KCNIP4: variants seen among roughly 807,000 people sequenced by gnomAD.
The protein encoded by KCNIP4 is potassium voltage-gated channel interacting protein 4.
Under a neutral mutation model 34.0 loss-of-function variants are expected in KCNIP4, and 12 were observed. The ratio of observed to expected loss-of-function variants is 0.35; its 90% CI spans 0.23 to 0.57. The LOEUF (loss-of-function observed/expected upper bound fraction) is 0.57. Among genes scored for constraint, KCNIP4 ranks in the 20% least tolerant of loss-of-function variants. KCNIP4 has a pLI of 0.83. For synonymous variants in KCNIP4, 124 were observed against 102.2 expected (o/e 1.21, Z -1.29); for missense variants, 238 against 311.7 (o/e 0.76, Z 1.78).
chr4:21,557,313 A>G (rs760379012), intron 1 of KCNIP4, among the ~76,000 whole-genome samples: 1 of 152,178 alleles, frequency 6.6e-6, no homozygotes, highest in Non-Finnish European at 1.5e-5. Context: ...CCGGAATCAC[A>G]TTATTTCACA....
intron 1 of KCNIP4, among the ~76,000 whole-genome samples, chr4:20,903,020 A>G (rs1727337629): frequency 1.3e-5 from 2 of 152,302 alleles, no homozygotes; most frequent in South Asian, 4.1e-4. Context: ...AATTTCCTAT[A>G]TATGTGGTGT....
At chr4:21,008,819 C>T (rs1045827617) in intron 1 of KCNIP4, among the ~76,000 whole-genome samples, 2 of 151,924 alleles carry the variant, frequency 1.3e-5, no homozygotes, top group African/African-American at 4.8e-5. Context: ...CCACCGCGCC[C>T]AGCCGGGATT....
chr4:21,190,805 C>T (rs1438079403), intron 1 of KCNIP4, among the ~76,000 whole-genome samples: 1 of 152,170 alleles, frequency 6.6e-6, no homozygotes, highest in African/African-American at 2.4e-5. Flanking sequence ...AAGTCTCATG[C>T]AAATTAATGT....
intron 1 of KCNIP4, among the ~76,000 whole-genome samples, chr4:21,678,803 G>A (rs114159083): frequency 0.011 from 1,607 of 152,178 alleles, 27 homozygotes; most frequent in African/African-American, 0.036. Context: ...TGTTATGGAC[G>A]GAATTGTGCC....
chr4:21,190,363 C>T (rs1755537028), intron 1 of KCNIP4, among the ~76,000 whole-genome samples: 1 of 152,074 alleles, frequency 6.6e-6, no homozygotes, highest in African/African-American at 2.4e-5. Context: ...AGTATTGGTT[C>T]GTTGGTATTT....
chr4:21,652,162 C>T (rs1031941384), intron 1 of KCNIP4, among the ~76,000 whole-genome samples: 5 of 152,140 alleles, frequency 3.3e-5, no homozygotes, highest in African/African-American at 1.2e-4. Flanking sequence ...CATTGATCTA[C>T]CTTTTAGTGG....
intron 1 of KCNIP4, among the ~76,000 whole-genome samples, chr4:21,808,593 GA>G (rs1203109716): frequency 6.6e-6 from 1 of 152,096 alleles, no homozygotes; most frequent in Non-Finnish European, 1.5e-5. Context: ...TTTTGAGGGG[GA>G]GTCAAAACTT....
chr4:21,340,602 G>T (rs987372802), intron 1 of KCNIP4, among the ~76,000 whole-genome samples: 1 of 151,866 alleles, frequency 6.6e-6, no homozygotes. Flanking sequence ...CATCTAAAGG[G>T]CATAAACATT....
At chr4:21,152,607 AT>A (rs1752838928) in intron 1 of KCNIP4, among the ~76,000 whole-genome samples, 11 of 151,866 alleles carry the variant, frequency 7.2e-5, no homozygotes, top group Admixed American at 7.2e-4. Flanking sequence ...TTACTCAGAT[AT>A]ACCCAGGAGA....
chr4:21,221,249 T>C lies in KCNIP4; in HGVS notation c.62-338540A>G, dbSNP rs140098556. 3.2e-3 allele frequency among the ~76,000 whole-genome samples: 494 copies of C among 152,282 alleles called. 1 individual carries two copies. Among genetic ancestry groups the C allele is most frequent in the African/African-American group, 0.011 (468 of 41,552 alleles). ...CTCAAACTACTAACCTCACATCTCCTAGCATAATGCCTGTTACATAGTAAG... is the reference window on the plus strand; with the variant it reads ...CTCAAACTACTAACCTCACATCTCCCAGCATAATGCCTGTTACATAGTAAG... On this transcript the variant is annotated intron_variant, in intron 1 of 8. Coordinates refer to ENST00000382152, the MANE Select transcript of KCNIP4 (RefSeq NM_025221.6).
In KCNIP4 at chr4:21,618,154, C is replaced by A. The variant is rs144855133; in HGVS notation, c.61+330417G>T. On this transcript the variant is annotated intron_variant, in intron 1 of 8. Transcript: ENST00000382152. ...TTTACATTGGCATCAGTTCAGTTTG[C>A]TGTGGTACTCTAAATACTCAGAGGT... Among the ~76,000 whole-genome samples the A allele has an allele frequency of 2.3e-3, 348 of 152,182 alleles. 3 individuals are homozygous for A. The highest frequency in any genetic ancestry group is 7.7e-3 in the African/African-American group (321 of 41,532).
rs574996373 is a variant in KCNIP4, at chr4:21,389,525, T to C, written c.62-506816A>G. 9.7e-5 allele frequency among the ~76,000 whole-genome samples: 14 copies of C among 144,670 alleles called. No homozygotes were observed. In the South Asian group the frequency reaches 3.1e-3, roughly 32 times the overall value. 94.9% of individuals were successfully genotyped at this position (144,670 alleles called of 152,430 possible). On this transcript the variant is annotated intron_variant, in intron 1 of 8. Transcript: ENST00000382152. ...TGTCCAAGTGTTCTTATTGTTCAAT[T>C]CCCACCTATGAGTGAGAACATGCGG...
intron 1 of KCNIP4, among the ~76,000 whole-genome samples, chr4:21,067,516 G>A (rs1309969361): frequency 6.6e-6 from 1 of 152,100 alleles, no homozygotes; most frequent in African/African-American, 2.4e-5. Flanking sequence ...GGCATTAGGA[G>A]GAACTCATCA....
intron 1 of KCNIP4, among the ~76,000 whole-genome samples, chr4:21,388,011 G>A (rs1419155925): frequency 6.6e-6 from 1 of 150,768 alleles, no homozygotes; most frequent in Admixed American, 6.6e-5. Context: ...TCTGGGACGG[G>A]ATGAAAGGCA....
chr4:21,330,752 C>T (rs1715549575), intron 1 of KCNIP4, among the ~76,000 whole-genome samples: 1 of 152,168 alleles, frequency 6.6e-6, no homozygotes, highest in Non-Finnish European at 1.5e-5. Flanking sequence ...CTTACTCTTA[C>T]CTCAAGTGAA....
At chr4:21,620,618 A>G (rs976343027) in intron 1 of KCNIP4, among the ~76,000 whole-genome samples, 10 of 152,266 alleles carry the variant, frequency 6.6e-5, no homozygotes, top group African/African-American at 2.2e-4. Context: ...AAAGAAAAAT[A>G]GAAAATGAAA....
In KCNIP4 at chr4:21,295,835, T is replaced by C. The variant is rs777933808; in HGVS notation, c.62-413126A>G. On this transcript the variant is annotated intron_variant, in intron 1 of 8. Coordinates refer to ENST00000382152, the MANE Select transcript of KCNIP4 (RefSeq NM_025221.6). The stretch of plus-strand genomic sequence containing the variant: ...TTTTTGTCTTGCTTCCCCAATAGTA[T>C]ATACATTTCTCAAACTCTGCAACTG... 4.8e-4 allele frequency among the ~76,000 whole-genome samples: 73 copies of C among 152,148 alleles called. 1 individual carries two copies. Among genetic ancestry groups the C allele is most frequent in the Non-Finnish European group, 4.9e-4 (33 of 68,036 alleles).
chr4:21,552,549 C>A (rs11947661), intron 1 of KCNIP4, among the ~76,000 whole-genome samples: 81,525 of 151,846 alleles, frequency 0.54, 22,321 homozygotes, highest in East Asian at 0.84. Context: ...ATAATAAATC[C>A]CTACTCTGGA....
chr4:21,321,929 T>A (rs1289015913), intron 1 of KCNIP4, among the ~76,000 whole-genome samples: 143 of 48,858 alleles, frequency 2.9e-3, no homozygotes, highest in African/African-American at 4.1e-3. Context: ...AGGAAAAAGG[T>A]GGGAAGGAGG....
Sources: gnomAD v4.1 joint callset for allele counts (sites outside exome capture counted in the v4.1 genomes callset) on GRCh38, gnomAD v4.1.1 for gene constraint, MANE v1.5 for transcripts, NCBI Gene and HGNC (gene_info 2026-07-23, HGNC 2026-07-21) for gene names.